CSMD1: variants seen among roughly 807,000 people sequenced by gnomAD.
CSMD1 encodes CUB and sushi domain-containing protein 1.
A neutral mutation model predicts 417.5 loss-of-function variants in CSMD1; 213 were observed. The ratio of observed to expected loss-of-function variants is 0.51; its 90% CI spans 0.46 to 0.57. CSMD1 has a LOEUF of 0.57. CSMD1 is among the 20% of genes least tolerant of loss of function. The pLI is 0.00. For synonymous variants in CSMD1, 2,862 were observed against 1,736.8 expected, an observed-to-expected ratio of 1.65 and a Z score of -16.11; for missense variants, 6,923 against 4,529.7, an observed-to-expected ratio of 1.53 and a Z score of -15.17.
intron 10 of CSMD1, among the ~76,000 whole-genome samples, chr8:3,558,995 G>T (rs902868381): frequency 6.6e-6 from 1 of 152,188 alleles, no homozygotes; most frequent in Admixed American, 6.5e-5. Flanking sequence ...ACTAGAAGTG[G>T]GACTGCCGTG....
At chr8:4,871,873 T>A (rs138642315) in intron 1 of CSMD1, among the ~76,000 whole-genome samples, 15 of 152,182 alleles carry the variant, frequency 9.9e-5, no homozygotes, top group African/African-American at 3.1e-4. Flanking sequence ...TGGTCATTGC[T>A]TGATGGATGA....
chr8:4,632,226 A>G (rs961214171), intron 2 of CSMD1, among the ~76,000 whole-genome samples: 48 of 152,166 alleles, frequency 3.2e-4, no homozygotes, highest in African/African-American at 1.2e-3. Flanking sequence ...TTGCCCCACG[A>G]ACACTTATTG....
intron 3 of CSMD1, among the ~76,000 whole-genome samples, chr8:4,340,460 G>T (rs994537508): frequency 6.6e-6 from 1 of 152,032 alleles, no homozygotes; most frequent in Admixed American, 6.6e-5. Flanking sequence ...AGGAATTATG[G>T]GTCTGTCTAG....
intron 3 of CSMD1, among the ~76,000 whole-genome samples, chr8:4,261,322 C>G (rs892557842): frequency 3.3e-5 from 5 of 152,074 alleles, no homozygotes; most frequent in African/African-American, 9.7e-5. Context: ...AAGAAAAATA[C>G]TGTGTAATCT....
At chr8:4,431,389 A>T (rs1219745541) in intron 2 of CSMD1, among the ~76,000 whole-genome samples, 1 of 152,168 alleles carries the variant, frequency 6.6e-6, no homozygotes, top group Non-Finnish European at 1.5e-5. Flanking sequence ...TGCACTTAGA[A>T]CCATACGCAC....
At chr8:4,880,573 C>G (rs1161147132) in intron 1 of CSMD1, among the ~76,000 whole-genome samples, 2 of 152,044 alleles carry the variant, frequency 1.3e-5, no homozygotes, top group African/African-American at 4.8e-5. Flanking sequence ...ACTACATAGA[C>G]ACACTTCCTG....
chr8:3,706,633 C>G (rs376788723), intron 7 of CSMD1, among the ~76,000 whole-genome samples: 3 of 152,314 alleles, frequency 2.0e-5, no homozygotes. Context: ...CTCAATCTTA[C>G]AGTAGCAGAA....
intron 3 of CSMD1, among the ~76,000 whole-genome samples, chr8:4,043,961 T>C (rs538933330): frequency 6.6e-6 from 1 of 152,292 alleles, no homozygotes; most frequent in South Asian, 2.1e-4. Context: ...ATTGTGTTGA[T>C]ATAATTGAAA....
intron 1 of CSMD1, among the ~76,000 whole-genome samples, chr8:4,821,414 G>C (rs1039238028): frequency 6.6e-6 from 1 of 152,122 alleles, no homozygotes; most frequent in Non-Finnish European, 1.5e-5. Flanking sequence ...TTCTTCTTCA[G>C]TGTTTTGATA....
At chr8:3,181,948 T>C (rs1340709511) in intron 36 of CSMD1, among the ~76,000 whole-genome samples, 1 of 152,166 alleles carries the variant, frequency 6.6e-6, no homozygotes, top group African/African-American at 2.4e-5. Context: ...TGAATCATAA[T>C]ATGGAAAAAT....
Position 3,238,529 on chromosome 8 carries a change from G to A in CSMD1, c.4154-8298C>T, listed in dbSNP as rs531638205. ...GATGTTTCTCAGGGCTGCTTGGAGC[G>A]AGACTACGGGCAGCATGGGAACTTA... On this transcript the variant is annotated intron_variant, in intron 26 of 69. Transcript: ENST00000635120. 4.6e-3 allele frequency among the ~76,000 whole-genome samples: 697 copies of A among 152,196 alleles called. 8 individuals are homozygous for A. Among genetic ancestry groups the A allele is most frequent in the South Asian group, 8.3e-3 (40 of 4,816 alleles).
At chr8:4,584,321 C>T (rs2617072) in intron 2 of CSMD1, among the ~76,000 whole-genome samples, 42,699 of 151,588 alleles carry the variant, frequency 0.28, 6,196 homozygotes, top group South Asian at 0.35. Flanking sequence ...CGCCTATCGC[C>T]GAGTAGTGAG....
At chr8:4,605,410 C>A (rs903783441) in intron 2 of CSMD1, among the ~76,000 whole-genome samples, 5 of 152,050 alleles carry the variant, frequency 3.3e-5, no homozygotes, top group Admixed American at 2.6e-4. Context: ...ATTGGAGGAC[C>A]ACTCTGAACA....
chr8:4,769,644 AAG>A (rs1252723451), intron 1 of CSMD1, among the ~76,000 whole-genome samples: 13 of 152,222 alleles, frequency 8.5e-5, no homozygotes, highest in Non-Finnish European at 1.9e-4. Context: ...TCTGTTGAAA[AAG>A]AAACGGGAGG....
At chr8:3,823,053 T>C (rs560363493) in intron 5 of CSMD1, among the ~76,000 whole-genome samples, 1 of 152,192 alleles carries the variant, frequency 6.6e-6, no homozygotes, top group Non-Finnish European at 1.5e-5. Context: ...ATGATTTCTA[T>C]GGTTCCGGAA....
intron 3 of CSMD1, among the ~76,000 whole-genome samples, chr8:4,314,849 G>A (rs995715031): frequency 2.6e-5 from 4 of 152,156 alleles, no homozygotes; most frequent in Admixed American, 6.5e-5. Flanking sequence ...AGGGAGCTGC[G>A]ACAAGCTGGG....
chr8:3,224,488 T>C (rs1186720811), intron 27 of CSMD1, among the ~76,000 whole-genome samples: 6 of 152,206 alleles, frequency 3.9e-5, no homozygotes, highest in Non-Finnish European at 5.9e-5. Flanking sequence ...TATGGAAGGC[T>C]TGAATTACTT....
At chr8:4,779,398 A>G (rs1797034095) in intron 1 of CSMD1, among the ~76,000 whole-genome samples, 1 of 152,214 alleles carries the variant, frequency 6.6e-6, no homozygotes, top group South Asian at 2.1e-4. Flanking sequence ...TAAAACTTTT[A>G]TTACTACCAG....
At chr8:4,738,555 A>C (rs935736293) in intron 1 of CSMD1, among the ~76,000 whole-genome samples, 1 of 152,092 alleles carries the variant, frequency 6.6e-6, no homozygotes. Flanking sequence ...GGGGAACTAC[A>C]ATTCTAGATA....
Sources: allele counts gnomAD v4.1 joint callset (sites outside exome capture counted in the v4.1 genomes callset), GRCh38; gene constraint gnomAD v4.1.1; transcripts MANE v1.5; gene names NCBI Gene and HGNC (gene_info 2026-07-23, HGNC 2026-07-21).